The following TAAR2 variants were observed in gnomAD, a reference collection of about 807,000 sequenced individuals.
The protein encoded by TAAR2 is trace amine-associated receptor 2.
A neutral mutation model predicts 25.5 loss-of-function variants in TAAR2; 30 were observed. The ratio of observed to expected loss-of-function variants is 1.18; its 90% CI spans 0.88 to 1.60. The LOEUF is 1.60. Ranked by LOEUF, TAAR2 falls within the 40% of genes most tolerant of loss-of-function variation. TAAR2 has a pLI of 0.00. For missense variants in TAAR2, 481 were observed against 416.5 expected (o/e 1.15, Z -1.35); for synonymous variants, 150 against 142.4 (o/e 1.05, Z -0.38).
In TAAR2 at chr6:132,620,382, C is replaced by T. The variant is rs190916762; in HGVS notation, c.61-2237G>A. On this transcript the variant is annotated intron_variant, in intron 1 of 1. Coordinates refer to ENST00000367931, the MANE Select transcript of TAAR2 (RefSeq NM_001033080.1). ...AAACTGCATTTGAGGTCTCTGCCGA[C>T]GCCCTAAATGCTGTTTACAGAAACA... Among the ~76,000 whole-genome samples the T allele has an allele frequency of 1.5e-3, 235 of 152,320 alleles. 2 individuals are homozygous for T. Among genetic ancestry groups the T allele is most frequent in the African/African-American group, 4.7e-3 (196 of 41,576 alleles).
rs1777414113 is a variant in TAAR2, at chr6:132,624,271, G to T, written c.5C>A (p.Ala2Asp). M[A>D]VSSEQHELSH... The stretch of plus-strand genomic sequence containing the variant: ...AAGTTCATGTTGCTCTGATGAGACA[G>T]CCATGGGAGGCAAGATACCCCAGAT... Residue 2 changes from alanine (A) to aspartate (D), a missense_variant, in exon 1 of 2, where the codon GCT becomes GAT. Ala to Asp is a moderately radical substitution (Grantham distance 126). Transcript: ENST00000367931. 6 of 1,613,278 alleles carry T rather than the reference G, an allele frequency of 3.7e-6. No individual in the cohort carries two copies. The South Asian group carries it at 6.6e-5, about 18-fold the overall frequency.
chr6:132,621,156 TAA>T (rs66712280), intron 1 of TAAR2, among the ~76,000 whole-genome samples: 14 of 141,174 alleles, frequency 9.9e-5, no homozygotes, highest in South Asian at 6.9e-4. Context: ...AAAGTAAAGC[TAA>T]AAAAAAAAAA....
chr6:132,618,519 A>G (rs1777332656), intron 1 of TAAR2, among the ~76,000 whole-genome samples: 1 of 152,220 alleles, frequency 6.6e-6, no homozygotes, highest in South Asian at 2.1e-4. Flanking sequence ...ATGTGCCTGT[A>G]ATCCCAGCTA....
chr6:132,618,719 G>T (rs569111129), intron 1 of TAAR2, among the ~76,000 whole-genome samples: 7 of 152,046 alleles, frequency 4.6e-5, no homozygotes, highest in Admixed American at 2.6e-4. Context: ...TTTATGCCAG[G>T]CTTTGAAATT....
chr6:132,622,454 A>G (rs1434111094), intron 1 of TAAR2, among the ~76,000 whole-genome samples: 1 of 141,880 alleles, frequency 7.0e-6, no homozygotes, highest in Non-Finnish European at 1.5e-5. Flanking sequence ...TTGGTAAATA[A>G]ATATTCCTCT....
rs111915887 is a variant in TAAR2, at chr6:132,621,573, T to C, written c.60+2643A>G. On this transcript the variant is annotated intron_variant, in intron 1 of 1. Transcript: ENST00000367931. ...AGATTTAATTGCCTGCAAACTTCTTTGTGTTCCTGGCTTAATCACTTTGAT... is the reference window on the plus strand; with the variant it reads ...AGATTTAATTGCCTGCAAACTTCTTCGTGTTCCTGGCTTAATCACTTTGAT... 7.4e-3 allele frequency among the ~76,000 whole-genome samples: 1,120 copies of C among 150,858 alleles called. 16 individuals are homozygous for C. The highest frequency in any genetic ancestry group is 0.025 in the African/African-American group (1,045 of 40,994).
chr6:132,618,533 G>A (rs1026771941), intron 1 of TAAR2, among the ~76,000 whole-genome samples: 2 of 152,044 alleles, frequency 1.3e-5, no homozygotes, highest in Non-Finnish European at 2.9e-5. Context: ...CCAGCTACTC[G>A]GGAGGCTGAG....
At position 132,619,281 on chromosome 6, in the gene TAAR2, C is replaced by T. The variant is rs1210849117; in HGVS notation, c.61-1136G>A. Among the ~76,000 whole-genome samples, 5 of 152,176 alleles carry T rather than the reference C, an allele frequency of 3.3e-5. No homozygotes were observed. The East Asian group carries it at 5.8e-4, about 18-fold the overall frequency. On this transcript the variant is annotated intron_variant, in intron 1 of 1. Transcript: ENST00000367931. The stretch of plus-strand genomic sequence containing the variant: ...GCCCTCCTTGTGTTGGGCCAGAATG[C>T]TCATTTTACATATTAAAATCTGCAT...
intron 1 of TAAR2, among the ~76,000 whole-genome samples, chr6:132,619,404 G>T (rs906068145): frequency 6.6e-6 from 1 of 152,148 alleles, no homozygotes; most frequent in African/African-American, 2.4e-5. Context: ...CTGCCTATAT[G>T]CAAAGCATAA....
At chr6:132,621,408 C>A (rs1273500754) in intron 1 of TAAR2, among the ~76,000 whole-genome samples, 1 of 152,032 alleles carries the variant, frequency 6.6e-6, no homozygotes, top group African/African-American at 2.4e-5. Flanking sequence ...AATGCTCTCC[C>A]TCTCCTTGCC....
chr6:132,618,165 A>G lies in TAAR2; in HGVS notation c.61-20T>C, dbSNP rs1325770738. 2 of 1,541,672 alleles carry G rather than the reference A, an allele frequency of 1.3e-6. No homozygotes were observed. Among genetic ancestry groups the G allele is most frequent in the Non-Finnish European group, 1.7e-6 (2 of 1,148,978 alleles). On this transcript the variant is annotated intron_variant, in intron 1 of 1. Transcript: ENST00000367931. The stretch of plus-strand genomic sequence containing the variant: ...TTTTTCCTTCAAAAAACAAGAACAG[A>G]TAGAATTTTGTCAGAATATAAATAT...
In TAAR2 at chr6:132,617,397, A is replaced by G; in HGVS notation, c.809T>C (p.Val270Ala). 6.2e-7 allele frequency: 1 copy of G among 1,613,192 alleles called. No homozygotes were observed. Among genetic ancestry groups the G allele is most frequent in the Non-Finnish European group, 8.5e-7 (1 of 1,179,754 alleles). ...ACAAGGAAACCAACATAATAAGAAA[A>G]CTCCTATCACTATTCCTAAAGTTTT... is the stretch of plus-strand genomic sequence containing the variant. ...AAKTLGIVIG[V>A]FLLCWFPCFF... Residue 270 changes from valine to alanine, a missense_variant, in exon 2 of 2, where the codon GTT (valine) becomes GCT (alanine). Val to Ala is a moderately conservative substitution (Grantham distance 64). Coordinates refer to ENST00000367931, the MANE Select transcript of TAAR2 (RefSeq NM_001033080.1).
At chr6:132,622,584 C>T (rs1264468859) in intron 1 of TAAR2, among the ~76,000 whole-genome samples, 1 of 144,474 alleles carries the variant, frequency 6.9e-6, no homozygotes, top group African/African-American at 2.6e-5. Context: ...TTCCCAGGTT[C>T]AAGTGATTCT....
Position 132,617,523 on chromosome 6 carries a change from A to C in TAAR2, c.683T>G (p.Ile228Ser). 1 of 1,613,982 alleles carries C rather than the reference A, an allele frequency of 6.2e-7. No individual in the cohort carries two copies. Among genetic ancestry groups the C allele is most frequent in the Non-Finnish European group, 8.5e-7 (1 of 1,179,964 alleles). The change falls in exon 2 of 2, where the codon ATT becomes AGT. Residue 228 changes from isoleucine to serine, a missense_variant. By Grantham distance (142) the Ile-to-Ser change is moderately radical. Transcript: ENST00000367931. Reference protein sequence around the residue: ...FFTPGSMMVGIYGKIFAVSRK... With the variant: ...FFTPGSMMVGSYGKIFAVSRK... The stretch of plus-strand genomic sequence containing the variant: ...GGATACTGCAAAAATTTTGCCATAA[A>C]TCCCCACCATCATAGACCCAGGAGT...
At position 132,622,119 on chromosome 6, in the gene TAAR2, T is replaced by C. The variant is rs565349702; in HGVS notation, c.60+2097A>G. Among the ~76,000 whole-genome samples, 6 of 152,182 alleles carry C rather than the reference T, an allele frequency of 3.9e-5. 1 individual carries two copies. The South Asian group carries it at 1.2e-3, about 32-fold the overall frequency. On this transcript the variant is annotated intron_variant, in intron 1 of 1. Transcript: ENST00000367931. ...ATGGAATGTCAGATCTTTTCGCCAT[T>C]ACTGTTACGTTTCTAAAAGAAGCTC...
At chr6:132,618,176 T>A in intron 1 of TAAR2, 31 bp from the exon 2 acceptor site, 1 of 1,529,300 alleles carries the variant, frequency 6.5e-7, no homozygotes, top group African/African-American at 1.4e-5. Context: ...TAGAATTTTG[T>A]CAGAATATAA....
intron 1 of TAAR2, among the ~76,000 whole-genome samples, chr6:132,621,416 G>GC (rs1215943219): frequency 6.6e-6 from 1 of 151,610 alleles, no homozygotes; most frequent in Non-Finnish European, 1.5e-5. Context: ...CCCTCTCCTT[G>GC]CCCCCCACCC....
At chr6:132,623,892 G>C (rs1351275314) in intron 1 of TAAR2, among the ~76,000 whole-genome samples, 1 of 151,856 alleles carries the variant, frequency 6.6e-6, no homozygotes, top group Non-Finnish European at 1.5e-5. Flanking sequence ...TTGAGTTATG[G>C]GGGGACCTAA....
At position 132,617,458 on chromosome 6, in the gene TAAR2, G is replaced by C. The variant is rs573651605; in HGVS notation, c.748C>G (p.Gln250Glu). The C allele has an allele frequency of 6.2e-6, 10 of 1,613,664 alleles. No individual in the cohort carries two copies. In the South Asian group the frequency reaches 1.1e-4, roughly 18 times the overall value. The change falls in exon 2 of 2, where the codon CAA becomes GAA. Residue 250 changes from glutamine (Q) to glutamate (E), a missense_variant. By Grantham distance (29) the Gln-to-Glu change is conservative (BLOSUM62 2). Transcript: ENST00000367931. ...TTGTCTTTCTTCACTTGATTATTTT[G>C]ATTTTCTCGCAAGTTATTGATGGCA... ...AHAINNLREN[Q>E]NNQVKKDKKA...
Sources: allele counts gnomAD v4.1 joint callset (sites outside exome capture counted in the v4.1 genomes callset), GRCh38; gene constraint gnomAD v4.1.1; transcripts MANE v1.5; gene names NCBI Gene and HGNC (gene_info 2026-07-23, HGNC 2026-07-21).